MEG3: variants seen among roughly 807,000 people sequenced by gnomAD.
MEG3 encodes Very putative protein from MEG3 locus.
At chr14:100,847,724 C>T (rs999202363) in intron 3 of MEG3, 3 of 152,106 alleles carry the variant, frequency 2.0e-5, no homozygotes, top group Admixed American at 1.3e-4. Flanking sequence ...TGGGGTCCCC[C>T]CTGGGCACCC....
intron 3 of MEG3, chr14:100,847,610 A>T (rs1249716729): frequency 1.3e-5 from 2 of 152,224 alleles, no homozygotes; most frequent in Non-Finnish European, 2.9e-5. Context: ...CAGGCTGTCC[A>T]TTAAATAATG....
intron 1 of MEG3, chr14:100,860,655 G>A (rs1476195101): frequency 2.2e-6 from 1 of 456,676 alleles, no homozygotes; most frequent in South Asian, 1.5e-5. Flanking sequence ...GAGGCCGGGA[G>A]CAGGTGGCCT....
chr14:100,836,014 C>T (rs2037563494), intron 1 of MEG3: 1 of 349,520 alleles, frequency 2.9e-6, no homozygotes, highest in Admixed American at 4.0e-5. Flanking sequence ...CTGCTTTGCA[C>T]CTTTTCCTGT....
At chr14:100,856,708 C>T (rs1323598250), upstream of MEG3, 3 of 152,400 alleles carry the variant, frequency 2.0e-5, no homozygotes, top group Admixed American at 1.3e-4. Context: ...TTGGGGGACT[C>T]GCTGGACAAT....
intron 2 of MEG3, among the ~76,000 whole-genome samples, chr14:100,838,286 G>A (rs2037648736): frequency 6.6e-6 from 1 of 152,154 alleles, no homozygotes; most frequent in Non-Finnish European, 1.5e-5. Context: ...TGGCTCTCAG[G>A]GGTTGAAATG....
At chr14:100,830,805 G>T (rs569758832), downstream of MEG3, 1 of 152,396 alleles carries the variant, frequency 6.6e-6, no homozygotes, top group African/African-American at 2.4e-5. Flanking sequence ...CTTTAGAGAA[G>T]CCCAGCTCAG....
chr14:100,858,209 C>T (rs1023526675), exon 1 of MEG3: 3 of 152,772 alleles, frequency 2.0e-5, no homozygotes, highest in Non-Finnish European at 4.4e-5. Flanking sequence ...GGTGCGTCCC[C>T]ACCCCTGCCA....
At chr14:100,853,982 G>A (rs2400942), upstream of MEG3, 54,227 of 152,078 alleles carry the variant, frequency 0.36, 9,744 homozygotes, top group East Asian at 0.52. Context: ...GGAGGAAGGA[G>A]CGAGTGAGTG....
chr14:100,829,563 T>G (rs1219260573), downstream of MEG3: 1 of 152,262 alleles, frequency 6.6e-6, no homozygotes, highest in East Asian at 1.9e-4. Context: ...CTAGGGTTGT[T>G]GTGAGAATTA....
intron 1 of MEG3, chr14:100,836,091 G>A (rs556253066): frequency 4.9e-4 from 193 of 397,086 alleles, no homozygotes; most frequent in African/African-American, 3.4e-3. Context: ...GCCGTGCCCC[G>A]AGTCTTTCTT....
At chr14:100,851,314 G>T (rs1288983326) in intron 3 of MEG3, 3 of 152,432 alleles carry the variant, frequency 2.0e-5, no homozygotes, top group African/African-American at 4.8e-5. Flanking sequence ...AGGAGGTTTT[G>T]CCCACCAGGG....
At chr14:100,860,466 C>T (rs1022856271) in intron 1 of MEG3, 22 of 358,296 alleles carry the variant, frequency 6.1e-5, no homozygotes, top group African/African-American at 2.4e-4. Flanking sequence ...GCAAGTGGGC[C>T]GAGTCTAAGG....
chr14:100,850,212 A>G (rs1047847327), intron 3 of MEG3: 27 of 152,206 alleles, frequency 1.8e-4, no homozygotes, highest in African/African-American at 6.5e-4. Context: ...TTGACGTAGG[A>G]GCAGTAGTGC....
downstream of MEG3, chr14:100,833,897 T>A (rs1161925392): frequency 2.6e-5 from 4 of 152,122 alleles, no homozygotes; most frequent in Non-Finnish European, 5.9e-5. Context: ...CCTTAGTGAG[T>A]CTGTTGGCTA....
intron 3 of MEG3, chr14:100,848,263 T>C (rs908494733): frequency 6.6e-6 from 1 of 152,222 alleles, no homozygotes; most frequent in Admixed American, 6.5e-5. Context: ...GCTGCTGGTA[T>C]GGTCAATCAC....
intron 2 of MEG3, among the ~76,000 whole-genome samples, chr14:100,844,614 C>T (rs1566731287): frequency 2.0e-5 from 3 of 152,106 alleles, no homozygotes; most frequent in Admixed American, 6.5e-5. Context: ...ATCGATGGAA[C>T]GACTCTGATA....
At chr14:100,846,337 C>T (rs970933133) in intron 3 of MEG3, 1 of 152,228 alleles carries the variant, frequency 6.6e-6, no homozygotes, top group Non-Finnish European at 1.5e-5. Context: ...CCCAGGGGGC[C>T]TGGGGAACGT....
chr14:100,846,802 G>A (rs2037930132), intron 3 of MEG3: 1 of 152,158 alleles, frequency 6.6e-6, no homozygotes, highest in Non-Finnish European at 1.5e-5. Flanking sequence ...GCGATATCAG[G>A]TGATTATGGA....
intron 2 of MEG3, among the ~76,000 whole-genome samples, chr14:100,843,404 G>A (rs1004416457): frequency 3.9e-5 from 6 of 152,098 alleles, no homozygotes; most frequent in African/African-American, 1.2e-4. Flanking sequence ...TCGGAGGGAG[G>A]GTGGGAAACG....
Sources: allele counts gnomAD v4.1 joint callset (sites outside exome capture counted in the v4.1 genomes callset), GRCh38; gene constraint gnomAD v4.1.1; transcripts MANE v1.5; gene names NCBI Gene and HGNC (gene_info 2026-07-23, HGNC 2026-07-21).